Variants in FAT2 observed in about 807,000 individuals in gnomAD.
FAT2 encodes FAT atypical cadherin 2, also known as protocadherin Fat 2.
In FAT2, 150 loss-of-function variants were observed where a neutral mutation model predicts 295.3. The observed-to-expected ratio is 0.51, with a 90% confidence interval of 0.44 to 0.58. The LOEUF is 0.58. Among genes scored for constraint, FAT2 ranks in the 20% least tolerant of loss-of-function variants. The pLI, the probability that FAT2 is intolerant of heterozygous loss-of-function variation, is 0.00. For missense variants in FAT2, 4,868 were observed against 5,442.7 expected, an observed-to-expected ratio of 0.89 and a Z score of 3.32; for synonymous variants, 2,026 against 2,150.3, an observed-to-expected ratio of 0.94 and a Z score of 1.60.
In FAT2 at chr5:151,534,970, A is replaced by ATATATATATATAT. The variant is rs1755078921; in HGVS notation, c.9194-329_9194-328insATATATATATATA. On this transcript the variant is annotated intron_variant, in intron 12 of 23. Coordinates refer to ENST00000261800, the MANE Select transcript of FAT2 (RefSeq NM_001447.3). ...TGGTTCGTAATTCCACTTCTAGGAAAATATATATATATATATATATATATA... is the reference window on the plus strand; with the variant it reads ...TGGTTCGTAATTCCACTTCTAGGAAATATATATATATATATATATATATATATATATATATATA... Among the ~76,000 whole-genome samples the ATATATATATATAT allele has an allele frequency of 7.1e-4, 76 of 106,382 alleles. 2 individuals carry two copies. Among genetic ancestry groups the ATATATATATATAT allele is most frequent in the Non-Finnish European group, 1.2e-3 (57 of 46,798 alleles). The allele number at this position is 106,382 out of a possible 152,430, so 69.8% of individuals were successfully genotyped here.
intron 12 of FAT2, 45 bp downstream of exon 12, chr5:151,537,748 C>T (rs767276450): frequency 1.9e-6 from 3 of 1,568,894 alleles, no homozygotes; most frequent in Non-Finnish European, 2.6e-6. Context: ...ACTTGGTATT[C>T]AGTAAAGAAG....
In FAT2 at chr5:151,544,087, A is replaced by C; in HGVS notation, c.7040T>G (p.Val2347Gly). ...TCCTTTATCCATGGCCCTGACTTTC[A>C]CATGAAAGTGTTGTTGGGCTTCATA... ...LDYEAQQHFH[V>G]KVRAMDKGDP... Residue 2347 changes from valine to glycine, a missense_variant, in exon 10 of 24, where the codon GTG becomes GGG. By Grantham distance (109) the Val-to-Gly change is moderately radical (BLOSUM62 -3). Around this residue, in one of 5 missense-constraint regions of FAT2, gnomAD observed 3,297 missense variants for 3,669.4 expected, o/e 0.90. Transcript: ENST00000261800. 1.2e-6 allele frequency: 2 copies of C among 1,614,218 alleles called. No homozygotes were observed. Among genetic ancestry groups the C allele is most frequent in the Non-Finnish European group, 1.7e-6 (2 of 1,180,038 alleles).
chr5:151,563,233 T>C, intron 3 of FAT2, 92 bp downstream of exon 3: 2 of 1,234,056 alleles, frequency 1.6e-6, no homozygotes, highest in South Asian at 1.3e-5. Flanking sequence ...AATTTCCAAG[T>C]TCACAGTAAT....
In FAT2 at chr5:151,505,745, C is replaced by G; in HGVS notation, c.12870G>C (p.Leu4290=). ...QFRQGGGGPC[L]ADGGYKGVGM... is the part of the protein sequence containing the mutation. ...CCACCCCCTTGTAGCCCCCGTCTGC[C>G]AGGCAGGGCCCTCCCCCTCCCTGCC... is the stretch of plus-strand genomic sequence containing the variant. The change falls in exon 24 of 24, where the codon CTG becomes CTC. Residue 4290 remains leucine (L), a synonymous_variant. Coordinates refer to ENST00000261800, the MANE Select transcript of FAT2 (RefSeq NM_001447.3). 5 of 1,613,922 alleles carry G rather than the reference C, an allele frequency of 3.1e-6. No individual in the cohort carries two copies. The highest frequency in any genetic ancestry group is 4.2e-6 in the Non-Finnish European group (5 of 1,179,842).
chr5:151,560,653 C>T (rs1461657903), intron 3 of FAT2, among the ~76,000 whole-genome samples: 1 of 152,200 alleles, frequency 6.6e-6, no homozygotes, highest in African/African-American at 2.4e-5. Flanking sequence ...CGATGTTATG[C>T]CCTTTCAAAC....
At chr5:151,580,802 A>T (rs981805262) in intron 1 of FAT2, among the ~76,000 whole-genome samples, 1 of 152,216 alleles carries the variant, frequency 6.6e-6, no homozygotes, top group Non-Finnish European at 1.5e-5. Context: ...TGCACATTCT[A>T]TAAAAACATA....
At chr5:151,552,736 G>T (rs563549112) in intron 6 of FAT2, among the ~76,000 whole-genome samples, 1 of 152,330 alleles carries the variant, frequency 6.6e-6, no homozygotes, top group Admixed American at 6.5e-5. Flanking sequence ...CGTAGAATGA[G>T]AATGGGCACT....
In FAT2 at chr5:151,566,943, A is replaced by G. The variant is rs758928735; in HGVS notation, c.1989T>C (p.His663=). ...TATCACATGTTACAGGAACTTCAAA[A>G]TGAGGGTCCTTCACCACAGTAATAT... is the stretch of plus-strand genomic sequence containing the variant. ...TLNITVVKDP[H]FEVPVTCDKT... The change falls in exon 2 of 24, where the codon CAT becomes CAC. Residue 663 remains histidine (H), a synonymous_variant. Coordinates refer to ENST00000261800, the MANE Select transcript of FAT2 (RefSeq NM_001447.3). 17 of 1,613,938 alleles carry G rather than the reference A, an allele frequency of 1.1e-5. No homozygotes were observed. The highest frequency in any genetic ancestry group is 2.7e-5 in the African/African-American group (2 of 74,940).
Position 151,543,488 on chromosome 5 carries a change from T to G in FAT2, c.7639A>C (p.Asn2547His). The G allele has an allele frequency of 9.9e-6, 16 of 1,614,164 alleles. No individual in the cohort carries two copies. Among genetic ancestry groups the G allele is most frequent in the Non-Finnish European group, 1.4e-5 (16 of 1,180,030 alleles). Residue 2547 changes from asparagine to histidine, a missense_variant, in exon 10 of 24, where the codon AAT (asparagine) becomes CAT (histidine). By Grantham distance (68) the Asn-to-His change is moderately conservative. Coordinates refer to ENST00000261800, the MANE Select transcript of FAT2 (RefSeq NM_001447.3). ...ATAGCAATGACTCTCTCTGTTGAAT[T>G]TTCCCGATCCAGTTTCTGCAGAGTG... is the stretch of plus-strand genomic sequence containing the variant. ...IATLQKLDRE[N>H]STERVIAIKV...
chr5:151,553,961 C>G (rs1365203613), intron 5 of FAT2, among the ~76,000 whole-genome samples: 1 of 152,214 alleles, frequency 6.6e-6, no homozygotes, highest in African/African-American at 2.4e-5. Flanking sequence ...CATGCGCTAG[C>G]TACCTGATAT....
At chr5:151,519,556 A>G (rs2127577614) in intron 19 of FAT2, among the ~76,000 whole-genome samples, 1 of 152,294 alleles carries the variant, frequency 6.6e-6, no homozygotes, top group South Asian at 2.1e-4. Flanking sequence ...GCACGTGGAA[A>G]TATGTATTTT....
rs1023388773 is a variant in FAT2 at position 151,529,216 on chromosome 5, C to A, written c.9988G>T (p.Val3330Phe). The A allele has an allele frequency of 3.1e-6, 5 of 1,614,042 alleles. No individual in the cohort carries two copies. The highest frequency in any genetic ancestry group is 4.2e-6 in the Non-Finnish European group (5 of 1,180,028). Residue 3330 changes from valine to phenylalanine, a missense_variant, in exon 15 of 24, where the codon GTC becomes TTC. Around this residue, in one of 5 missense-constraint regions of FAT2, gnomAD observed 1,046 missense variants for 1,210.1 expected, o/e 0.86. Coordinates refer to ENST00000261800, the MANE Select transcript of FAT2 (RefSeq NM_001447.3). ...TCACCCACAAGGGCATTCTCTAAGA[C>A]CCTTGTGCTATATGGATCTTGGGGG... ...QFPQDPYSTR[V>F]LENALVGDVI...
At chr5:151,516,667 A>G (rs928873829) in intron 20 of FAT2, among the ~76,000 whole-genome samples, 11 of 152,230 alleles carry the variant, frequency 7.2e-5, no homozygotes, top group Non-Finnish European at 1.2e-4. Flanking sequence ...CCCCCATAGA[A>G]CAAAAGCTTT....
chr5:151,584,241 G>A (rs9688110), intron 1 of FAT2, among the ~76,000 whole-genome samples: 50,024 of 151,444 alleles, frequency 0.33, 8,314 homozygotes, highest in South Asian at 0.47. Context: ...GTGGAAAACC[G>A]ACACCTCAAT....
Position 151,529,179 on chromosome 5 carries a change from G to A in FAT2, c.10025C>T (p.Thr3342Met), listed in dbSNP as rs529969314. ...ENALVGDVIL[T>M]VSATDEDGPL... ...AAGAGCAAGGTGGCAGATCCTTACC[G>A]TGAGGATGACGTCACCCACAAGGGC... is the stretch of plus-strand genomic sequence containing the variant. The change falls in exon 15 of 24, where the codon ACG (threonine) becomes ATG (methionine). Residue 3342 changes from threonine (T) to methionine (M), a missense_variant and splice_region_variant. Thr to Met is a moderately conservative substitution (Grantham distance 81). Around this residue, in one of 5 missense-constraint regions of FAT2, gnomAD observed 1,046 missense variants for 1,210.1 expected, o/e 0.86. Coordinates refer to ENST00000261800, the MANE Select transcript of FAT2 (RefSeq NM_001447.3). 21 of 1,613,670 alleles carry A rather than the reference G, an allele frequency of 1.3e-5. No individual in the cohort carries two copies. Among genetic ancestry groups the A allele is most frequent in the Middle Eastern group, 3.3e-4 (2 of 6,046 alleles).
At position 151,542,330 on chromosome 5, in the gene FAT2, C is replaced by A. The variant is rs778219876; in HGVS notation, c.8797G>T (p.Ala2933Ser). The A allele has an allele frequency of 6.2e-7, 1 of 1,612,770 alleles. No homozygotes were observed. Among genetic ancestry groups the A allele is most frequent in the South Asian group, 1.1e-5 (1 of 90,764 alleles). Residue 2933 changes from alanine (A) to serine (S), a missense_variant, in exon 10 of 24, where the codon GCT becomes TCT. Ala to Ser is a moderately conservative substitution (Grantham distance 99). Transcript: ENST00000261800. ...ELVATLKTLD[A>S]DISEQNRQVT... Reference sequence around the variant, plus strand: ...TGCCTGTTCTGCTCAGAAATGTCAGCATCCAGGGTCTTTAGAGTCGCCACC... The same window carrying A: ...TGCCTGTTCTGCTCAGAAATGTCAGAATCCAGGGTCTTTAGAGTCGCCACC...
chr5:151,577,167 T>C (rs1056728060), intron 1 of FAT2, among the ~76,000 whole-genome samples: 11 of 152,186 alleles, frequency 7.2e-5, no homozygotes, highest in African/African-American at 2.7e-4. Context: ...TCACTTATAA[T>C]TGTTTCATGG....
rs191258160 is a variant in FAT2, at chr5:151,516,372, T to C, written c.11463+1248A>G. On this transcript the variant is annotated intron_variant, in intron 20 of 23. Transcript: ENST00000261800. ...TAAAGACGCAAAAGAAAAAAATTAG[T>C]GAGCGTGGTTGCACACACCTGTAAT... is the stretch of plus-strand genomic sequence containing the variant. 8.1e-3 allele frequency among the ~76,000 whole-genome samples: 1,232 copies of C among 152,104 alleles called. 29 individuals carry two copies. The highest frequency in any genetic ancestry group is 0.029 in the African/African-American group (1,187 of 41,460).
At position 151,521,719 on chromosome 5, in the gene FAT2, T is replaced by A. The variant is rs754221742; in HGVS notation, c.10874A>T (p.Glu3625Val). ...CATCCACATGGCCTGCTGCAGAGCC[T>A]CCTGCCCCACATGCCACACGTACAC... ...VHVYVWHVGQEALQQAMWMGF... is the reference protein window; with the variant it reads ...VHVYVWHVGQVALQQAMWMGF... The change falls in exon 19 of 24, where the codon GAG becomes GTG. Residue 3625 changes from glutamate (E) to valine (V), a missense_variant. Around this residue, in one of 5 missense-constraint regions of FAT2, gnomAD observed 1,046 missense variants for 1,210.1 expected, o/e 0.86. Coordinates refer to ENST00000261800, the MANE Select transcript of FAT2 (RefSeq NM_001447.3). The A allele has an allele frequency of 5.0e-6, 8 of 1,613,852 alleles. No homozygotes were observed. The highest frequency in any genetic ancestry group is 1.3e-5 in the African/African-American group (1 of 74,930).
Sources: allele counts gnomAD v4.1 joint callset (sites outside exome capture counted in the v4.1 genomes callset), GRCh38; gene constraint gnomAD v4.1.1; regional missense constraint gnomAD v4.1.1; transcripts MANE v1.5; gene names NCBI Gene and HGNC (gene_info 2026-07-23, HGNC 2026-07-21).